Variants in FUT4 observed in about 807,000 individuals in gnomAD.
The protein encoded by FUT4 is alpha-(1,3)-fucosyltransferase 4.
In FUT4, 1 loss-of-function variant was observed where a neutral mutation model predicts 3.8. The ratio of observed to expected loss-of-function variants is 0.26; its 90% CI spans 0.09 to 1.25. FUT4 has a LOEUF of 1.25. FUT4 is among the 50% of genes most tolerant of loss of function. The pLI is 0.47. For synonymous variants in FUT4, 417 were observed against 355.3 expected (o/e 1.17, Z -1.95); for missense variants, 880 against 768.2 (o/e 1.15, Z -1.72).
rs778794188 is a variant in FUT4, at chr11:94,544,240, G to C, written c.107G>C (p.Gly36Ala). 6.7e-7 allele frequency: 1 copy of C among 1,496,456 alleles called. No homozygotes were observed. Among genetic ancestry groups the C allele is most frequent in the Non-Finnish European group, 8.9e-7 (1 of 1,128,504 alleles). The allele number at this position is 1,496,456 out of a possible 1,614,324, so 92.7% of individuals were successfully genotyped here. The change falls in exon 1 of 1, where the codon GGC becomes GCC. Residue 36 changes from glycine to alanine, a missense_variant. This residue lies in a region of FUT4 where 447 missense variants were observed against 339.5 expected (regional missense o/e 1.32). Transcript: ENST00000358752. ...CCCGGGGCCTGGTCGGGCCGGCTGG[G>C]CCCCGGGCGCAGTGGAAGAAAGGGA... ...EAPGAWSGRL[G>A]PGRSGRKGRA...
chr11:94,545,268 C>T lies in FUT4; in HGVS notation c.1135C>T (p.Gln379Ter), dbSNP rs1947847394. Residue 379 changes from glutamine to a stop codon, truncating the protein, a stop_gained, in exon 1 of 1, where the codon CAA (glutamine) becomes TAA (stop). Coordinates refer to ENST00000358752, the MANE Select transcript of FUT4 (RefSeq NM_002033.4). LOFTEE classifies it low-confidence loss of function (END_TRUNC). ...GGTCCGCTACTACCACCAACTGAGC[C>T]AACATGTGACCGTGGACGTGTTCGG... ...ARVRYYHQLS[Q>*]HVTVDVFGRG... 2 of 1,612,016 alleles carry T rather than the reference C, an allele frequency of 1.2e-6. No homozygotes were observed. Among genetic ancestry groups the T allele is most frequent in the Non-Finnish European group, 1.7e-6 (2 of 1,179,918 alleles).
chr11:94,545,733 G>A lies in FUT4; in HGVS notation c.*7G>A, dbSNP rs994201497. On this transcript the variant is annotated 3_prime_UTR_variant, in exon 1 of 1. Coordinates refer to ENST00000358752, the MANE Select transcript of FUT4 (RefSeq NM_002033.4). ...CAGCTGGTTCGAGCGGTGAAGCCGCGCTCCCCTGGAAGCGACCCAGGGGAG... is the reference window on the plus strand; with the variant it reads ...CAGCTGGTTCGAGCGGTGAAGCCGCACTCCCCTGGAAGCGACCCAGGGGAG... The A allele has an allele frequency of 1.3e-5, 21 of 1,608,086 alleles. No individual in the cohort carries two copies. Among genetic ancestry groups the A allele is most frequent in the Admixed American group, 1.7e-5 (1 of 59,262 alleles).
rs1947896944 is a variant in FUT4, at chr11:94,548,964, C to T, written c.*3238C>T. 1 of 166,980 alleles carries T rather than the reference C, an allele frequency of 6.0e-6. No individual in the cohort carries two copies. Among genetic ancestry groups the T allele is most frequent in the African/African-American group, 2.4e-5 (1 of 41,420 alleles). 10.3% of individuals were successfully genotyped at this position (166,980 alleles called of 1,614,324 possible). On this transcript the variant is annotated 3_prime_UTR_variant, in exon 1 of 1. Transcript: ENST00000358752. ...AAGAGCATGCAGTTTGGAGTCAGAA[C>T]CTGGGTATGACTCTGTGGCCTTGAT...
rs758225029 is a variant in FUT4 at position 94,544,244 on chromosome 11, C to G, written c.111C>G (p.Pro37=). 3 of 1,502,596 alleles carry G rather than the reference C, an allele frequency of 2.0e-6. No homozygotes were observed. The highest frequency in any genetic ancestry group is 2.7e-5 in the East Asian group (1 of 36,984). 93.1% of individuals were successfully genotyped at this position (1,502,596 alleles called of 1,614,324 possible). ...APGAWSGRLG[P]GRSGRKGRAV... ...GGGCCTGGTCGGGCCGGCTGGGCCC[C>G]GGGCGCAGTGGAAGAAAGGGACGGG... is the stretch of plus-strand genomic sequence containing the variant. The change falls in exon 1 of 1, where the codon CCC becomes CCG. Residue 37 remains proline (P), a synonymous_variant. Coordinates refer to ENST00000358752, the MANE Select transcript of FUT4 (RefSeq NM_002033.4).
rs990001638 is a variant in FUT4, at chr11:94,549,332, G to C, written c.*3606G>C. On this transcript the variant is annotated 3_prime_UTR_variant, in exon 1 of 1. Coordinates refer to ENST00000358752, the MANE Select transcript of FUT4 (RefSeq NM_002033.4). The stretch of plus-strand genomic sequence containing the variant: ...ACCATCAGTCCATTTTACCGAGGAA[G>C]GAGCCAAGGTCCAGGCCCACTGAAG... The C allele has an allele frequency of 4.8e-5, 8 of 167,114 alleles. No individual in the cohort carries two copies. The highest frequency in any genetic ancestry group is 1.2e-4 in the Non-Finnish European group (8 of 68,146). The allele number at this position is 167,114 out of a possible 1,614,324, so 10.4% of individuals were successfully genotyped here.
At position 94,544,978 on chromosome 11, in the gene FUT4, C is replaced by A; in HGVS notation, c.845C>A (p.Thr282Asn). Reference protein sequence around the residue: ...EAAAAAEALATSSPRPPGQRW... With the variant: ...EAAAAAEALANSSPRPPGQRW... The stretch of plus-strand genomic sequence containing the variant: ...GCGGCGGCGGCAGAAGCCCTGGCGA[C>A]CTCCAGCCCCAGGCCCCCGGGCCAG... Residue 282 changes from threonine (T) to asparagine (N), a missense_variant, in exon 1 of 1, where the codon ACC becomes AAC. This residue lies in a region of FUT4 where 424 missense variants were observed against 400.4 expected (regional missense o/e 1.06). Transcript: ENST00000358752. 1 of 1,606,360 alleles carries A rather than the reference C, an allele frequency of 6.2e-7. No homozygotes were observed. The highest frequency in any genetic ancestry group is 8.5e-7 in the Non-Finnish European group (1 of 1,176,572).
Position 94,544,243 on chromosome 11 carries a change from C to T in FUT4, c.110C>T (p.Pro37Leu), listed in dbSNP as rs1048756188. ...APGAWSGRLG[P>L]GRSGRKGRAV... ...GGGGCCTGGTCGGGCCGGCTGGGCC[C>T]CGGGCGCAGTGGAAGAAAGGGACGG... The change falls in exon 1 of 1, where the codon CCC becomes CTC. Residue 37 changes from proline (P) to leucine (L), a missense_variant. Physicochemically the swap from Pro to Leu is moderately conservative, Grantham distance 98. Coordinates refer to ENST00000358752, the MANE Select transcript of FUT4 (RefSeq NM_002033.4). 2.0e-6 allele frequency: 3 copies of T among 1,502,128 alleles called. No individual in the cohort carries two copies. Among genetic ancestry groups the T allele is most frequent in the Admixed American group, 2.3e-5 (1 of 44,362 alleles). The allele number at this position is 1,502,128 out of a possible 1,614,324, so 93.0% of individuals were successfully genotyped here.
In FUT4 at chr11:94,548,811, C is replaced by G. The variant is rs1311842961; in HGVS notation, c.*3085C>G. On this transcript the variant is annotated 3_prime_UTR_variant, in exon 1 of 1. Transcript: ENST00000358752. ...TTTTAGTACTTGATGACTCTAATTACATGAATGCACCTGGAATGACATTTG... is the reference window on the plus strand; with the variant it reads ...TTTTAGTACTTGATGACTCTAATTAGATGAATGCACCTGGAATGACATTTG... The G allele has an allele frequency of 6.0e-6, 1 of 167,038 alleles. No individual in the cohort carries two copies. The highest frequency in any genetic ancestry group is 2.4e-5 in the African/African-American group (1 of 41,440). The allele number at this position is 167,038 out of a possible 1,614,324, so 10.3% of individuals were successfully genotyped here. A position where few individuals can be genotyped will look rare whatever the true frequency, so the allele number is the denominator to read the frequency against.
Position 94,544,796 on chromosome 11 carries a change from C to T in FUT4, c.663C>T (p.Arg221=). Residue 221 remains arginine, a synonymous_variant, in exon 1 of 1, where the codon CGC becomes CGT. Coordinates refer to ENST00000358752, the MANE Select transcript of FUT4 (RefSeq NM_002033.4). ...CRLRFNISGC[R]LLTDRASYGE... ...TGCGCTTCAACATCAGCGGCTGCCG[C>T]CTGCTCACCGACCGCGCGTCCTACG... The T allele has an allele frequency of 6.3e-7, 1 of 1,595,028 alleles. No homozygotes were observed. Among genetic ancestry groups the T allele is most frequent in the Non-Finnish European group, 8.5e-7 (1 of 1,177,430 alleles).
chr11:94,545,502 A>G lies in FUT4; in HGVS notation c.1369A>G (p.Ile457Val). 1.2e-6 allele frequency: 2 copies of G among 1,613,476 alleles called. No homozygotes were observed. The highest frequency in any genetic ancestry group is 1.7e-6 in the Non-Finnish European group (2 of 1,179,946). ...YERFVPRGAF[I>V]HVDDFPSASS... ...GCGCTTTGTGCCCCGCGGCGCCTTC[A>G]TCCACGTGGACGACTTCCCAAGTGC... Residue 457 changes from isoleucine to valine, a missense_variant, in exon 1 of 1, where the codon ATC becomes GTC. Ile to Val is a conservative substitution (Grantham distance 29). This residue lies in a region of FUT4 where 424 missense variants were observed against 400.4 expected (regional missense o/e 1.06). Transcript: ENST00000358752.
rs1947839512 is a variant in FUT4, at chr11:94,544,754, GC to G, written c.626del (p.Pro209LeufsTer35). 6.4e-7 allele frequency: 1 copy of G among 1,568,674 alleles called. No individual in the cohort carries two copies. The highest frequency in any genetic ancestry group is 1.4e-5 in the African/African-American group (1 of 73,820). ...GGGGGCGCGATAGCGCCCCGAGGCC[GC>G]CCCCTGACTGCCGGCTGCGCTTCAA... ...FGGRDSAPRP[P>X]PDCRLRFNIS... On this transcript the variant is annotated frameshift_variant, in exon 1 of 1. Transcript: ENST00000358752. LOFTEE classifies it low-confidence loss of function (END_TRUNC).
Position 94,544,614 on chromosome 11 carries a change from T to C in FUT4, c.481T>C (p.Leu161=). Residue 161 remains leucine (L), a synonymous_variant, in exon 1 of 1, where the codon TTG becomes CTG. Coordinates refer to ENST00000358752, the MANE Select transcript of FUT4 (RefSeq NM_002033.4). The part of the protein sequence containing the change: ...WTVCVLAAAG[L]TCTALITYAC... ...CGTCTGTGTGCTGGCGGCCGCCGGCTTGACGTGTACGGCGCTGATCACCTA... is the reference window on the plus strand; with the variant it reads ...CGTCTGTGTGCTGGCGGCCGCCGGCCTGACGTGTACGGCGCTGATCACCTA... 1 of 1,475,332 alleles carries C rather than the reference T, an allele frequency of 6.8e-7. No homozygotes were observed. Among genetic ancestry groups the C allele is most frequent in the Non-Finnish European group, 8.9e-7 (1 of 1,124,114 alleles). The allele number at this position is 1,475,332 out of a possible 1,614,324, so 91.4% of individuals were successfully genotyped here. A position where few individuals can be genotyped will look rare whatever the true frequency, so the allele number is the denominator to read the frequency against.
chr11:94,545,708 C>T lies in FUT4; in HGVS notation c.1575C>T (p.Ala525=), dbSNP rs1469570894. 2 of 1,611,832 alleles carry T rather than the reference C, an allele frequency of 1.2e-6. No individual in the cohort carries two copies. Among genetic ancestry groups the T allele is most frequent in the South Asian group, 1.1e-5 (1 of 91,016 alleles). The change falls in exon 1 of 1, where the codon GCC becomes GCT. Residue 525 remains alanine (A), a synonymous_variant. Coordinates refer to ENST00000358752, the MANE Select transcript of FUT4 (RefSeq NM_002033.4). The stretch of plus-strand genomic sequence containing the variant: ...GGCCCAAGAGCATACGGAACTTGGC[C>T]AGCTGGTTCGAGCGGTGAAGCCGCG... ...GDRPKSIRNL[A]SWFER is the part of the protein sequence containing the mutation.
rs1947863075 is a variant in FUT4 at position 94,546,452 on chromosome 11, T to C, written c.*726T>C. On this transcript the variant is annotated 3_prime_UTR_variant, in exon 1 of 1. Transcript: ENST00000358752. ...CATTTAAATCAAGTCCCAAATTCAT[T>C]GACTTAGGGGAGTTCAGTATTTAAT... The C allele has an allele frequency of 5.8e-6, 1 of 172,194 alleles. No homozygotes were observed. The highest frequency in any genetic ancestry group is 2.4e-5 in the African/African-American group (1 of 41,490). The allele number at this position is 172,194 out of a possible 1,614,324, so 10.7% of individuals were successfully genotyped here.
In FUT4 at chr11:94,545,592, C is replaced by T. The variant is rs750891847; in HGVS notation, c.1459C>T (p.His487Tyr). ...RNPAVYRRYFHWRRSYAVHIT... is the reference protein window; with the variant it reads ...RNPAVYRRYFYWRRSYAVHIT... ...CCCCGCGGTCTATCGCCGCTACTTC[C>T]ACTGGCGCCGGAGCTACGCTGTCCA... is the stretch of plus-strand genomic sequence containing the variant. Residue 487 changes from histidine to tyrosine, a missense_variant, in exon 1 of 1, where the codon CAC becomes TAC. His to Tyr is a moderately conservative substitution (Grantham distance 83). Transcript: ENST00000358752. The T allele has an allele frequency of 6.2e-7, 1 of 1,613,552 alleles. No homozygotes were observed. The highest frequency in any genetic ancestry group is 8.5e-7 in the Non-Finnish European group (1 of 1,180,042).
rs1257927019 is a variant in FUT4, at chr11:94,545,853, GA to G, written c.*134del. 4.3e-6 allele frequency: 5 copies of G among 1,171,444 alleles called. No homozygotes were observed. Among genetic ancestry groups the G allele is most frequent in the Middle Eastern group, 1.9e-4 (1 of 5,264 alleles). 72.6% of individuals were successfully genotyped at this position (1,171,444 alleles called of 1,614,324 possible). ...TCAAACACCCATTTTTGCTCTATGG[GA>G]AAAAAACGATTTACCAATTAATATT... is the stretch of plus-strand genomic sequence containing the variant. On this transcript the variant is annotated 3_prime_UTR_variant, in exon 1 of 1. Transcript: ENST00000358752.
At position 94,544,835 on chromosome 11, in the gene FUT4, C is replaced by A. The variant is rs1180277165; in HGVS notation, c.702C>A (p.Ala234=). The A allele has an allele frequency of 3.1e-6, 5 of 1,604,442 alleles. No individual in the cohort carries two copies. Among genetic ancestry groups the A allele is most frequent in the Admixed American group, 1.7e-5 (1 of 59,950 alleles). The change falls in exon 1 of 1, where the codon GCC becomes GCA. Residue 234 remains alanine, a synonymous_variant. Transcript: ENST00000358752. ...GCGCGTCCTACGGAGAGGCTCAGGCCGTGCTTTTCCACCACCGCGACCTCG... is the reference window on the plus strand; with the variant it reads ...GCGCGTCCTACGGAGAGGCTCAGGCAGTGCTTTTCCACCACCGCGACCTCG... ...TDRASYGEAQ[A]VLFHHRDLVK... is the part of the protein sequence containing the mutation.
At position 94,544,329 on chromosome 11, in the gene FUT4, C is replaced by A; in HGVS notation, c.196C>A (p.His66Asn). ...TGCCCTGGCGGCTCGCCCCGCCCGG[C>A]ACTTGGGAGGAGCAGGGCAGGGCCC... ...HLALAARPAR[H>N]LGGAGQGPRP... Residue 66 changes from histidine to asparagine, a missense_variant, in exon 1 of 1, where the codon CAC (histidine) becomes AAC (asparagine). Coordinates refer to ENST00000358752, the MANE Select transcript of FUT4 (RefSeq NM_002033.4). 6.4e-7 allele frequency: 1 copy of A among 1,553,472 alleles called. No individual in the cohort carries two copies. Among genetic ancestry groups the A allele is most frequent in the East Asian group, 2.5e-5 (1 of 39,320 alleles).
Position 94,548,974 on chromosome 11 carries a change from ACT to A in FUT4, c.*3251_*3252del, listed in dbSNP as rs1255730722. 2 of 166,836 alleles carry A rather than the reference ACT, an allele frequency of 1.2e-5. No homozygotes were observed. The highest frequency in any genetic ancestry group is 2.9e-5 in the Non-Finnish European group (2 of 68,056). 10.3% of individuals were successfully genotyped at this position (166,836 alleles called of 1,614,324 possible). A position where few individuals can be genotyped will look rare whatever the true frequency, so the allele number is the denominator to read the frequency against. On this transcript the variant is annotated 3_prime_UTR_variant, in exon 1 of 1. Transcript: ENST00000358752. ...AGTTTGGAGTCAGAACCTGGGTATG[ACT>A]CTGTGGCCTTGATGAAGCAAGTTAC...
Sources: gnomAD v4.1 joint callset for allele counts on GRCh38, gnomAD v4.1.1 for gene constraint, gnomAD v4.1.1 regional missense constraint, MANE v1.5 for transcripts, NCBI Gene and HGNC (gene_info 2026-07-23, HGNC 2026-07-21) for gene names.